KLC4: variants seen among roughly 807,000 people sequenced by gnomAD.
KLC4 encodes the protein kinesin-like protein 8.
Under a neutral mutation model 77.2 loss-of-function variants are expected in KLC4, and 49 were observed. The observed-to-expected ratio is 0.63, with a 90% CI of 0.50 to 0.80. The LOEUF is 0.80. Among genes scored for constraint, KLC4 ranks in the 30% least tolerant of loss-of-function variants. KLC4 has a pLI of 0.00. For missense variants in KLC4, 669 were observed against 793.5 expected (o/e 0.84, Z 1.89); for synonymous variants, 274 against 314.5 (o/e 0.87, Z 1.36).
chr6:43,062,668 G>A (rs958292238), intron 2 of KLC4: 19 of 532,468 alleles, frequency 3.6e-5, no homozygotes, highest in African/African-American at 3.1e-4. Flanking sequence ...GGGCAGAAAC[G>A]AGGCCAGTGA....
chr6:43,067,169 C>T, intron 6 of KLC4, 86 bp downstream of exon 6: 6 of 1,555,492 alleles, frequency 3.9e-6, no homozygotes, highest in Non-Finnish European at 5.2e-6. Flanking sequence ...CATCTGCTGC[C>T]CTCAGTCCAC....
chr6:43,063,197 C>G, intron 3 of KLC4, 50 bp downstream of exon 3: 3 of 1,420,438 alleles, frequency 2.1e-6, no homozygotes, highest in Non-Finnish European at 2.0e-6. Flanking sequence ...CCGGGAGTTA[C>G]CACAGACATG....
At position 43,074,014 on chromosome 6, in the gene KLC4, G is replaced by A. The variant is rs772346451; in HGVS notation, c.1809+49G>A. On this transcript the variant is annotated intron_variant, in intron 15 of 15. Transcript: ENST00000347162. ...ATTGGTGGGTGAGGAAAAAAGGACA[G>A]CCAGTGAGCAAGCCCAGTGGAGTAA... is the stretch of plus-strand genomic sequence containing the variant. The A allele has an allele frequency of 4.2e-5, 61 of 1,451,688 alleles. 1 individual carries two copies. Among genetic ancestry groups the A allele is most frequent in the Non-Finnish European group, 4.0e-5 (42 of 1,053,638 alleles). 89.9% of individuals were successfully genotyped at this position (1,451,688 alleles called of 1,614,324 possible).
intron 3 of KLC4, among the ~76,000 whole-genome samples, chr6:43,065,187 G>C (rs1765352175): frequency 6.6e-6 from 1 of 152,004 alleles, no homozygotes. Flanking sequence ...CGATTCTCCT[G>C]CCTCAGCCTC....
intron 5 of KLC4, 56 bp from the exon 6 acceptor site, chr6:43,066,940 G>T: frequency 6.3e-7 from 1 of 1,577,068 alleles, no homozygotes; most frequent in Non-Finnish European, 8.7e-7. Flanking sequence ...AGGGAAGGAG[G>T]GAAGGAGAAG....
chr6:43,072,247 C>A lies in KLC4; in HGVS notation c.1480C>A (p.Arg494=), dbSNP rs368025562. ...ETLEECALRS[R]RQGTDPISQT... ...CCTGGAGGAATGTGCCCTGCGGTCC[C>A]GGAGACAGGTCAGAAGCCCAGAGGG... Residue 494 remains arginine, a synonymous_variant, in exon 12 of 16, where the codon CGG becomes AGG. Coordinates refer to ENST00000347162, the MANE Select transcript of KLC4 (RefSeq NM_201521.3). The A allele has an allele frequency of 6.2e-7, 1 of 1,613,328 alleles. No individual in the cohort carries two copies. Among genetic ancestry groups the A allele is most frequent in the Non-Finnish European group, 8.5e-7 (1 of 1,179,378 alleles).
chr6:43,067,850 C>T (rs796773642), intron 6 of KLC4, among the ~76,000 whole-genome samples: 1 of 99,788 alleles, frequency 1.0e-5, no homozygotes, highest in South Asian at 3.4e-4. Context: ...CGGTGGCTCA[C>T]GCCTGTAATC....
intron 3 of KLC4, among the ~76,000 whole-genome samples, chr6:43,065,203 T>C (rs1352794454): frequency 1.3e-5 from 2 of 152,014 alleles, no homozygotes; most frequent in African/African-American, 4.8e-5. Flanking sequence ...GCCTCATGAG[T>C]AGCTGGGATT....
At chr6:43,071,520 T>C (rs1371325670) in intron 9 of KLC4, 47 bp from the exon 10 acceptor site, 3 of 1,596,384 alleles carry the variant, frequency 1.9e-6, no homozygotes, top group Non-Finnish European at 2.6e-6. Context: ...TCTCCGACAC[T>C]GTCTAGCTCC....
At position 43,072,238 on chromosome 6, in the gene KLC4, C is replaced by T. The variant is rs528585933; in HGVS notation, c.1471C>T (p.Leu491=). 1.2e-6 allele frequency: 2 copies of T among 1,613,978 alleles called. No homozygotes were observed. Among genetic ancestry groups the T allele is most frequent in the South Asian group, 1.1e-5 (1 of 91,056 alleles). The change falls in exon 12 of 16, where the codon CTG becomes TTG. Residue 491 remains leucine, a synonymous_variant. Coordinates refer to ENST00000347162, the MANE Select transcript of KLC4 (RefSeq NM_201521.3). ...TGCTGAGACCCTGGAGGAATGTGCC[C>T]TGCGGTCCCGGAGACAGGTCAGAAG... ...EAAETLEECA[L]RSRRQGTDPI...
At chr6:43,061,722 G>A in intron 2 of KLC4, 129 bp downstream of exon 2, 1 of 932,156 alleles carries the variant, frequency 1.1e-6, no homozygotes, top group East Asian at 2.7e-5. Flanking sequence ...TATGTATTAA[G>A]TCCCTACTGT....
In KLC4 at chr6:43,072,940, T is replaced by C. The variant is rs1561921503; in HGVS notation, c.1605T>C (p.Ala535=). 6.2e-7 allele frequency: 1 copy of C among 1,608,612 alleles called. No homozygotes were observed. The highest frequency in any genetic ancestry group is 2.2e-5 in the East Asian group (1 of 44,856). Residue 535 remains alanine, a synonymous_variant, in exon 13 of 16, where the codon GCT becomes GCC. Coordinates refer to ENST00000347162, the MANE Select transcript of KLC4 (RefSeq NM_201521.3). The part of the protein sequence containing the change: ...DSVKFEGGED[A]SVAVEWSGDG... ...TGAAATTCGAGGGAGGTGAAGATGC[T>C]TCTGTGGCTGTGGAGTGGTCCGGGG...
At chr6:43,060,711 T>C in intron 1 of KLC4, 1 of 821,312 alleles carries the variant, frequency 1.2e-6, no homozygotes, top group South Asian at 3.3e-5. Context: ...TGGGAAAATA[T>C]GCAGGGCTGA....
In KLC4 at chr6:43,063,242, G is replaced by C. The variant is rs1765256628; in HGVS notation, c.489+95G>C. ...GCCCCATCATCCTCAGGGTCCATCA[G>C]CTCTACCCAACCTGCTCTCACCTGA... is the stretch of plus-strand genomic sequence containing the variant. On this transcript the variant is annotated intron_variant, in intron 3 of 15. Coordinates refer to ENST00000347162, the MANE Select transcript of KLC4 (RefSeq NM_201521.3). 3.3e-6 allele frequency: 3 copies of C among 917,778 alleles called. No homozygotes were observed. The East Asian group carries it at 7.8e-5, about 24-fold the overall frequency. 56.9% of individuals were successfully genotyped at this position (917,778 alleles called of 1,614,324 possible). A position where few individuals can be genotyped will look rare whatever the true frequency, so the allele number is the denominator to read the frequency against.
chr6:43,067,178 A>G (rs1307540495), intron 6 of KLC4, 95 bp downstream of exon 6: 2 of 1,520,570 alleles, frequency 1.3e-6, no homozygotes, highest in East Asian at 5.0e-5. Context: ...CCCTCAGTCC[A>G]CTCACTAAGG....
intron 8 of KLC4, 90 bp downstream of exon 8, chr6:43,070,955 T>C: frequency 8.6e-7 from 1 of 1,166,592 alleles, no homozygotes. Context: ...GCCACTTGGG[T>C]CCTAGAGTCA....
chr6:43,060,873 C>T (rs1023944899), intron 1 of KLC4, among the ~76,000 whole-genome samples: 7 of 152,236 alleles, frequency 4.6e-5, no homozygotes, highest in South Asian at 2.1e-4. Context: ...AGATTCCTTC[C>T]GTTTTTTCTA....
At position 43,061,520 on chromosome 6, in the gene KLC4, G is replaced by C. The variant is rs1437222607; in HGVS notation, c.185G>C (p.Gly62Ala). ...CTGCAGCAGGGAGGCCATGAGGAAGGGCTGGTGCATGAGAAGGCCCGGCAG... is the reference window on the plus strand; with the variant it reads ...CTGCAGCAGGGAGGCCATGAGGAAGCGCTGGTGCATGAGAAGGCCCGGCAG... ...ECLQQGGHEE[G>A]LVHEKARQLR... is the part of the protein sequence containing the mutation. Residue 62 changes from glycine (G) to alanine (A), a missense_variant, in exon 2 of 16, where the codon GGG (glycine) becomes GCG (alanine). Transcript: ENST00000347162. The C allele has an allele frequency of 6.2e-7, 1 of 1,614,118 alleles. No homozygotes were observed. Among genetic ancestry groups the C allele is most frequent in the Non-Finnish European group, 8.5e-7 (1 of 1,179,958 alleles).
intron 14 of KLC4, chr6:43,073,612 A>G (rs1765835518): frequency 1.9e-6 from 1 of 528,378 alleles, no homozygotes; most frequent in Admixed American, 3.4e-5. Flanking sequence ...ATGCCATTGC[A>G]CTCCAGCCCA....
Sources: gnomAD v4.1 joint callset for allele counts (sites outside exome capture counted in the v4.1 genomes callset) on GRCh38, gnomAD v4.1.1 for gene constraint, MANE v1.5 for transcripts, NCBI Gene and HGNC (gene_info 2026-07-23, HGNC 2026-07-21) for gene names.